Variants in MGST1 observed in about 807,000 individuals in gnomAD.
The protein encoded by MGST1 is microsomal glutathione S-transferase 1.
In MGST1, 5 loss-of-function variants were observed where a neutral mutation model predicts 8.9. That is an observed-to-expected ratio of 0.56 (90% CI 0.29 to 1.19). The LOEUF (loss-of-function observed/expected upper bound fraction) is 1.19. MGST1 is among the 50% of genes most tolerant of loss of function. MGST1 has a pLI of 0.08. For synonymous variants in MGST1, 54 were observed against 67.8 expected (o/e 0.80, Z 1.00); for missense variants, 182 against 187.4 (o/e 0.97, Z 0.17).
intron 1 of MGST1, among the ~76,000 whole-genome samples, chr12:16,388,254 G>T (rs1171978734): frequency 6.6e-6 from 1 of 151,934 alleles, no homozygotes; most frequent in East Asian, 2.0e-4. Flanking sequence ...ACATAGAAAA[G>T]GTATAGTGAA....
chr12:16,402,180 T>G (rs977873024), intron 1 of MGST1: 1 of 1,574,914 alleles, frequency 6.3e-7, no homozygotes, highest in Non-Finnish European at 8.7e-7. Context: ...AAACTCCACT[T>G]TTTTTTTGCT....
At chr12:16,493,194 C>T (rs1941450375) in intron 4 of MGST1, among the ~76,000 whole-genome samples, 1 of 152,186 alleles carries the variant, frequency 6.6e-6, no homozygotes, top group Admixed American at 6.5e-5. Context: ...ACTGGGAAGA[C>T]AGAGTCCTCA....
At chr12:16,387,616 TC>T (rs1940515538) in intron 1 of MGST1, among the ~76,000 whole-genome samples, 1 of 151,288 alleles carries the variant, frequency 6.6e-6, no homozygotes, top group African/African-American at 2.4e-5. Context: ...AAGCTCCGCC[TC>T]CCACGTTCAC....
At chr12:16,528,643 A>G (rs1178644009) in intron 4 of MGST1, among the ~76,000 whole-genome samples, 3 of 152,052 alleles carry the variant, frequency 2.0e-5, no homozygotes, top group Admixed American at 6.6e-5. Flanking sequence ...AAAGTGCACT[A>G]GGTAAAAGGA....
At position 16,517,317 on chromosome 12, in the gene MGST1, G is replaced by A. The variant is rs1457690617; in HGVS notation, n.483-72211G>A. 6.6e-6 allele frequency among the ~76,000 whole-genome samples: 1 copy of A among 152,170 alleles called. No homozygotes were observed. The highest frequency in any genetic ancestry group is 1.5e-5 in the Non-Finnish European group (1 of 68,034). ...GGTGGAAGCTTTAAAAGGTGATTAA[G>A]TCATAAGTTCTCTCCCCTTATGAAT... On this transcript the variant is annotated intron_variant and non_coding_transcript_variant, in intron 4 of 4. Transcript: ENST00000538857. This position sits in a 1 kb window ranked among gnomAD's most constrained non-coding sequence, Gnocchi z 4.2.
At chr12:16,433,712 C>T (rs1277832616) in intron 1 of MGST1, among the ~76,000 whole-genome samples, 1 of 152,068 alleles carries the variant, frequency 6.6e-6, no homozygotes, top group African/African-American at 2.4e-5. Context: ...AATATCTGGG[C>T]ATCCTATGGC....
intron 1 of MGST1, among the ~76,000 whole-genome samples, chr12:16,408,274 T>G (rs1940713460): frequency 6.6e-6 from 1 of 152,028 alleles, no homozygotes; most frequent in African/African-American, 2.4e-5. Context: ...CTTTTGGGTA[T>G]TAGACTTAGT....
chr12:16,509,875 G>C (rs964404441), intron 4 of MGST1, among the ~76,000 whole-genome samples: 1 of 152,092 alleles, frequency 6.6e-6, no homozygotes, highest in Non-Finnish European at 1.5e-5. Flanking sequence ...AAACCTGGTC[G>C]CAAGGAGACA....
At chr12:16,453,807 A>G (rs139929637) in intron 4 of MGST1, among the ~76,000 whole-genome samples, 1 of 151,508 alleles carries the variant, frequency 6.6e-6, no homozygotes, top group African/African-American at 2.4e-5. Flanking sequence ...GTGCGTGTCT[A>G]TCTACAAATT....
At chr12:16,379,960 G>A (rs1212430577), downstream of MGST1, among the ~76,000 whole-genome samples, 1 of 152,090 alleles carries the variant, frequency 6.6e-6, no homozygotes, top group Non-Finnish European at 1.5e-5. Context: ...ATTCTCTGAT[G>A]GTAGTTTGTA....
intron 4 of MGST1, among the ~76,000 whole-genome samples, chr12:16,533,079 G>A (rs1485412764): frequency 6.6e-6 from 1 of 152,162 alleles, no homozygotes; most frequent in East Asian, 1.9e-4. Flanking sequence ...AAGCTGTTGA[G>A]TTGAGCTGAC....
At chr12:16,368,062 A>G (rs116954901), downstream of MGST1, among the ~76,000 whole-genome samples, 704 of 152,256 alleles carry the variant, frequency 4.6e-3, 3 homozygotes, top group Admixed American at 7.6e-3. Flanking sequence ...TTAACGATCA[A>G]AAGGTAATTG....
chr12:16,392,127 G>A (rs1260753013), intron 1 of MGST1, among the ~76,000 whole-genome samples: 2 of 152,114 alleles, frequency 1.3e-5, no homozygotes, highest in Non-Finnish European at 2.9e-5. Flanking sequence ...CCATTACCAT[G>A]CTGTTTTGAT....
At chr12:16,519,572 C>G (rs751812393) in intron 4 of MGST1, among the ~76,000 whole-genome samples, 17 of 152,176 alleles carry the variant, frequency 1.1e-4, no homozygotes, top group Non-Finnish European at 2.1e-4. Flanking sequence ...TCTCCTTTTA[C>G]TACTTGCTTA....
At chr12:16,524,247 T>A (rs1448493916) in intron 4 of MGST1, among the ~76,000 whole-genome samples, 3 of 152,202 alleles carry the variant, frequency 2.0e-5, no homozygotes, top group African/African-American at 7.2e-5. Context: ...CCAATTAATA[T>A]TCATATCTAT....
At chr12:16,529,340 T>G (rs1941707451) in intron 4 of MGST1, among the ~76,000 whole-genome samples, 2 of 152,044 alleles carry the variant, frequency 1.3e-5, no homozygotes, top group Non-Finnish European at 2.9e-5. Context: ...CGAATTTAAG[T>G]GCCAAAAATA....
intron 1 of MGST1, among the ~76,000 whole-genome samples, chr12:16,412,393 A>G (rs1940749700): frequency 6.6e-6 from 1 of 152,188 alleles, no homozygotes; most frequent in Non-Finnish European, 1.5e-5. Context: ...TTTTCCTAAT[A>G]TCTGCCCAGT....
intron 4 of MGST1, among the ~76,000 whole-genome samples, chr12:16,457,176 C>T (rs773177749): frequency 3.7e-4 from 56 of 151,998 alleles, no homozygotes; most frequent in Middle Eastern, 3.4e-3. Flanking sequence ...AATATTTTTA[C>T]GACAAAATTC....
At position 16,389,326 on chromosome 12, in the gene MGST1, C is replaced by T. The variant is rs1297294503; in HGVS notation, n.778+5722C>T. ...AGTTATTTGTAATGCAAGAGCACAA[C>T]TTGCCTAAAAATAATGTTGAGAATA... On this transcript the variant is annotated intron_variant and non_coding_transcript_variant, in intron 1 of 1. Coordinates refer to the MGST1 transcript ENST00000359720. This position sits in a 1 kb window ranked among gnomAD's most constrained non-coding sequence, Gnocchi z 4.6. Among the ~76,000 whole-genome samples, 1 of 152,208 alleles carries T rather than the reference C, an allele frequency of 6.6e-6. No individual in the cohort carries two copies. The highest frequency in any genetic ancestry group is 1.5e-5 in the Non-Finnish European group (1 of 68,040).
Sources: allele counts gnomAD v4.1 joint callset (sites outside exome capture counted in the v4.1 genomes callset), GRCh38; gene constraint gnomAD v4.1.1; non-coding constraint Gnocchi (gnomAD v3.1); transcripts MANE v1.5; gene names NCBI Gene and HGNC (gene_info 2026-07-23, HGNC 2026-07-21).